CERS4: variants seen among roughly 807,000 people sequenced by gnomAD.
The protein encoded by CERS4 is ceramide synthase 4, also known as LAG1 homolog, ceramide synthase 4.
A neutral mutation model predicts 51.8 loss-of-function variants in CERS4; 65 were observed. The observed-to-expected ratio is 1.26, with a 90% CI of 1.03 to 1.54. The LOEUF (loss-of-function observed/expected upper bound fraction) is 1.54. CERS4 is among the 40% of genes most tolerant of loss of function. The pLI, the probability that CERS4 is intolerant of heterozygous loss-of-function variation, is 0.00. For missense variants in CERS4, 563 were observed against 500.4 expected (o/e 1.13, Z -1.19); for synonymous variants, 228 against 208.4 (o/e 1.09, Z -0.81).
At chr19:8,223,118 G>A (rs1196384467) in intron 2 of CERS4, among the ~76,000 whole-genome samples, 2 of 151,678 alleles carry the variant, frequency 1.3e-5, no homozygotes, top group African/African-American at 4.8e-5. Context: ...AGGATCACTT[G>A]AGGCCAGGAG....
At chr19:8,215,584 C>T (rs1967267422) in intron 2 of CERS4, among the ~76,000 whole-genome samples, 1 of 152,124 alleles carries the variant, frequency 6.6e-6, no homozygotes, top group South Asian at 2.1e-4. Flanking sequence ...ACTCGGTCCC[C>T]TCTCCCTGTA....
At chr19:8,256,432 A>T in intron 7 of CERS4, 146 bp downstream of exon 7, 1 of 980,588 alleles carries the variant, frequency 1.0e-6, no homozygotes, top group Non-Finnish European at 1.4e-6. Flanking sequence ...GGGAATAGAG[A>T]GGGGCCAGAA....
intron 2 of CERS4, 163 bp from the exon 3 acceptor site, chr19:8,250,913 A>G: frequency 6.9e-7 from 1 of 1,446,858 alleles, no homozygotes; most frequent in Admixed American, 2.7e-5. Flanking sequence ...ACAGTTCCAA[A>G]GTCCCAGGCA....
chr19:8,251,334 C>T (rs1488855780), intron 3 of CERS4, 85 bp downstream of exon 3: 1 of 1,467,620 alleles, frequency 6.8e-7, no homozygotes. Flanking sequence ...GCCATTGCAG[C>T]ATGTCCCGAG....
chr19:8,227,540 C>T (rs1599529893), intron 2 of CERS4, among the ~76,000 whole-genome samples: 2 of 151,962 alleles, frequency 1.3e-5, no homozygotes, highest in South Asian at 4.1e-4. Context: ...TGGGGTTTCA[C>T]CATGTTGCCC....
rs191713004 is a variant in CERS4, at chr19:8,249,081, G to A, written c.-1-1995G>A. On this transcript the variant is annotated intron_variant, in intron 2 of 11. Coordinates refer to ENST00000251363, the MANE Select transcript of CERS4 (RefSeq NM_024552.3). ...GTGGATGATGAATAATGGGTGGATA[G>A]ACAGATGTTTTGATGGGCGAACAGA... 4.1e-3 allele frequency among the ~76,000 whole-genome samples: 615 copies of A among 148,786 alleles called. 1 individual carries two copies. The highest frequency in any genetic ancestry group is 6.4e-3 in the Non-Finnish European group (432 of 67,778).
At chr19:8,250,918 C>A (rs1326793180) in intron 2 of CERS4, 158 bp from the exon 3 acceptor site, 5 of 1,449,364 alleles carry the variant, frequency 3.4e-6, no homozygotes, top group Non-Finnish European at 4.5e-6. Context: ...TCCAAAGTCC[C>A]AGGCAAGGGG....
At chr19:8,217,623 G>A (rs976773625) in intron 2 of CERS4, among the ~76,000 whole-genome samples, 4 of 149,578 alleles carry the variant, frequency 2.7e-5, no homozygotes, top group Non-Finnish European at 5.9e-5. Flanking sequence ...TGCAAGCTCC[G>A]CCTCCCGGGT....
At chr19:8,230,865 G>T (rs912312628) in intron 2 of CERS4, among the ~76,000 whole-genome samples, 1 of 151,746 alleles carries the variant, frequency 6.6e-6, no homozygotes, top group Non-Finnish European at 1.5e-5. Flanking sequence ...TTTGAGACAG[G>T]GTCTCACTCT....
intron 2 of CERS4, among the ~76,000 whole-genome samples, chr19:8,228,642 T>A (rs551817855): frequency 1.3e-5 from 2 of 148,896 alleles, no homozygotes; most frequent in African/African-American, 5.0e-5. Context: ...GCCGTTGCAC[T>A]GCAGCCTGGG....
intron 6 of CERS4, 149 bp from the exon 7 acceptor site, chr19:8,256,087 C>T (rs775577525): frequency 6.0e-5 from 58 of 966,204 alleles, no homozygotes; most frequent in Non-Finnish European, 7.8e-5. Context: ...GTGAATGAGC[C>T]CCCCAGTCGA....
chr19:8,251,696 C>T (rs1478597604), intron 3 of CERS4, among the ~76,000 whole-genome samples: 2 of 151,742 alleles, frequency 1.3e-5, no homozygotes, highest in South Asian at 2.1e-4. Flanking sequence ...CCCAACTACT[C>T]AGGAGGCTGA....
Position 8,254,487 on chromosome 19 carries a change from C to T in CERS4, c.174-12C>T. On this transcript the variant is annotated splice_polypyrimidine_tract_variant and intron_variant, in intron 3 of 11. Coordinates refer to ENST00000251363, the MANE Select transcript of CERS4 (RefSeq NM_024552.3). ...CACCTGGGCTGATAGGCTCTGTCTC[C>T]TTTGCACCCAGATTCATTGGCCTGC... 3 of 1,613,228 alleles carry T rather than the reference C, an allele frequency of 1.9e-6. No individual in the cohort carries two copies. The highest frequency in any genetic ancestry group is 2.5e-6 in the Non-Finnish European group (3 of 1,179,602).
At chr19:8,220,826 T>TG (rs1289289051) in intron 2 of CERS4, among the ~76,000 whole-genome samples, 7 of 150,038 alleles carry the variant, frequency 4.7e-5, no homozygotes, top group Non-Finnish European at 9.0e-5. Context: ...TGTTTTTTTT[T>TG]TTGTTTTTTT....
At chr19:8,253,119 G>A (rs1439788743) in intron 3 of CERS4, among the ~76,000 whole-genome samples, 2 of 152,252 alleles carry the variant, frequency 1.3e-5, no homozygotes, top group African/African-American at 4.8e-5. Context: ...GAGGCAGGAT[G>A]TTAGGAGGGA....
chr19:8,236,688 AAAAAAAAAAAAAAG>A (rs1308325199), intron 2 of CERS4, among the ~76,000 whole-genome samples: 2 of 90,728 alleles, frequency 2.2e-5, no homozygotes, highest in Non-Finnish European at 5.1e-5. Flanking sequence ...TCTAAAAAAA[AAAAAAAAAAAAAAG>A]AAAGAAAGAA....
At chr19:8,230,756 C>T (rs905716537) in intron 2 of CERS4, among the ~76,000 whole-genome samples, 5 of 152,148 alleles carry the variant, frequency 3.3e-5, no homozygotes, top group African/African-American at 7.2e-5. Context: ...ATCTCCAATG[C>T]GCTATCAAGC....
chr19:8,262,186 CT>C lies in CERS4; in HGVS notation c.*78del. 4 of 1,368,534 alleles carry C rather than the reference CT, an allele frequency of 2.9e-6. No homozygotes were observed. Among genetic ancestry groups the C allele is most frequent in the Non-Finnish European group, 3.8e-6 (4 of 1,062,058 alleles). 84.8% of individuals were successfully genotyped at this position (1,368,534 alleles called of 1,614,324 possible). ...TTCTGGGGTGACTGGACTGGCGCCC[CT>C]GGGCCACCTTTCTGGAGACAGGGAG... is the stretch of plus-strand genomic sequence containing the variant. On this transcript the variant is annotated 3_prime_UTR_variant, in exon 12 of 12. Transcript: ENST00000251363.
chr19:8,240,800 C>T (rs1287427423), intron 2 of CERS4, among the ~76,000 whole-genome samples: 3 of 152,170 alleles, frequency 2.0e-5, no homozygotes, highest in Non-Finnish European at 4.4e-5. Context: ...ACCAGTCCTT[C>T]TCACTCAGAC....
Sources: allele counts gnomAD v4.1 joint callset (sites outside exome capture counted in the v4.1 genomes callset), GRCh38; gene constraint gnomAD v4.1.1; transcripts MANE v1.5; gene names NCBI Gene and HGNC (gene_info 2026-07-23, HGNC 2026-07-21).